Variants in PRSS3 observed in about 807,000 individuals in gnomAD.
PRSS3 encodes the protein serine protease 3.
PRSS3 carries 14 observed loss-of-function variants against 20.8 expected under a neutral mutation model. The observed-to-expected ratio is 0.67, with a 90% CI of 0.44 to 1.05. PRSS3 has a LOEUF of 1.05. Ranked by LOEUF, PRSS3 falls within the 50% of genes least tolerant of loss-of-function variation. The pLI, the probability that PRSS3 is intolerant of heterozygous loss-of-function variation, is 0.00. For missense variants in PRSS3, 237 were observed against 306.4 expected (o/e 0.77, Z 1.69); for synonymous variants, 91 against 117.6 (o/e 0.77, Z 1.46).
At chr9:33,777,668 A>T in intron 1 of PRSS3, among the ~76,000 whole-genome samples, 1 of 151,080 alleles carries the variant, frequency 6.6e-6, no homozygotes. Context: ...AGATCGCGCT[A>T]CTGCACTCCA....
intron 1 of PRSS3, among the ~76,000 whole-genome samples, chr9:33,751,393 G>A (rs1194947745): frequency 6.6e-6 from 1 of 152,238 alleles, no homozygotes; most frequent in African/African-American, 2.4e-5. Flanking sequence ...GTCAGGCGCA[G>A]TGGGGGAGAA....
chr9:33,798,350 T>C, intron 3 of PRSS3, 136 bp from the exon 4 acceptor site: 2 of 1,398,936 alleles, frequency 1.4e-6, no homozygotes, highest in Non-Finnish European at 1.0e-6. Context: ...AAAGCCAGAG[T>C]CCCTTGCCAG....
At chr9:33,778,454 A>T (rs1824036099) in intron 1 of PRSS3, among the ~76,000 whole-genome samples, 11 of 152,158 alleles carry the variant, frequency 7.2e-5, no homozygotes. Flanking sequence ...CCAAATATTT[A>T]AAAAACTATA....
intron 2 of PRSS3, among the ~76,000 whole-genome samples, chr9:33,797,331 G>A (rs985784191): frequency 6.6e-6 from 1 of 151,956 alleles, no homozygotes; most frequent in Non-Finnish European, 1.5e-5. Context: ...ATCAGCGGGT[G>A]GGGGTAAGGA....
intron 4 of PRSS3, 74 bp downstream of exon 4, chr9:33,798,696 C>G (rs1825161703): frequency 6.2e-7 from 1 of 1,608,350 alleles, no homozygotes; most frequent in Non-Finnish European, 8.5e-7. Flanking sequence ...TTTGAACTCC[C>G]AAGGTGGCAG....
intron 1 of PRSS3, among the ~76,000 whole-genome samples, chr9:33,751,694 C>T (rs1822705020): frequency 6.6e-6 from 1 of 152,210 alleles, no homozygotes; most frequent in South Asian, 2.1e-4. Context: ...AGCATTTTAC[C>T]TGCAATTTTA....
chr9:33,799,019 T>A lies in PRSS3; in HGVS notation c.592-9T>A, dbSNP rs1250694871. On this transcript the variant is annotated splice_polypyrimidine_tract_variant and intron_variant, in intron 4 of 4. Transcript: ENST00000379405. ...TCTCTTTATACAACTTGTCCCTTCT[T>A]CTCCCCAGCGTGACTCTGGTGGCCC... The A allele has an allele frequency of 1.2e-6, 2 of 1,613,890 alleles. No individual in the cohort carries two copies. Among genetic ancestry groups the A allele is most frequent in the South Asian group, 2.2e-5 (2 of 91,076 alleles).
chr9:33,796,162 G>T (rs1304136794), intron 1 of PRSS3, among the ~76,000 whole-genome samples: 3 of 152,196 alleles, frequency 2.0e-5, no homozygotes, highest in Non-Finnish European at 4.4e-5. Flanking sequence ...GTGAGCCTGG[G>T]GCTGCCCTCA....
chr9:33,765,130 C>T (rs1291514110), intron 1 of PRSS3, among the ~76,000 whole-genome samples: 1 of 152,160 alleles, frequency 6.6e-6, no homozygotes, highest in African/African-American at 2.4e-5. Context: ...CCAAGTATTC[C>T]ACTCCTAGGT....
intron 1 of PRSS3, among the ~76,000 whole-genome samples, chr9:33,777,318 T>G (rs1229067157): frequency 6.6e-6 from 1 of 151,962 alleles, no homozygotes; most frequent in Non-Finnish European, 1.5e-5. Context: ...AAAAAAGAAA[T>G]AATACCAGTT....
intron 1 of PRSS3, chr9:33,786,684 CA>C: frequency 1.3e-6 from 1 of 766,348 alleles, no homozygotes; most frequent in East Asian, 2.4e-5. Flanking sequence ...ATTGCAACTG[CA>C]AATCAGGGCT....
At chr9:33,769,817 G>C (rs756103158) in intron 1 of PRSS3, among the ~76,000 whole-genome samples, 31 of 152,196 alleles carry the variant, frequency 2.0e-4, no homozygotes, top group Non-Finnish European at 3.5e-4. Flanking sequence ...TGGAAGGCAG[G>C]GCCACCCTGT....
chr9:33,798,785 C>A, intron 4 of PRSS3, 163 bp downstream of exon 4: 1 of 1,238,648 alleles, frequency 8.1e-7, no homozygotes, highest in Non-Finnish European at 1.1e-6. Context: ...TGCATTGCCC[C>A]CATGGAGAAA....
At position 33,799,228 on chromosome 9, in the gene PRSS3, C is replaced by T. The variant is rs1238004789; in HGVS notation, c.*48C>T. ...TCTATACCAATAAAGTGGCCCTGCT[C>T]TCACTCTGTGTCTGTGCCGGCTCCC... On this transcript the variant is annotated 3_prime_UTR_variant, in exon 5 of 5. Coordinates refer to ENST00000379405, the MANE Select transcript of PRSS3 (RefSeq NM_002771.4). 1.2e-6 allele frequency: 2 copies of T among 1,606,642 alleles called. No individual in the cohort carries two copies.
At chr9:33,768,167 T>A (rs1426235119) in intron 1 of PRSS3, among the ~76,000 whole-genome samples, 3 of 152,150 alleles carry the variant, frequency 2.0e-5, no homozygotes, top group Non-Finnish European at 4.4e-5. Flanking sequence ...TAAATTGCCT[T>A]AAAGAGACTG....
At chr9:33,758,108 A>T (rs1823034239) in intron 1 of PRSS3, among the ~76,000 whole-genome samples, 2 of 151,788 alleles carry the variant, frequency 1.3e-5, no homozygotes. Flanking sequence ...CCTTCCTTCC[A>T]GTGTCTTTGA....
intron 1 of PRSS3, among the ~76,000 whole-genome samples, chr9:33,779,843 T>C (rs1193516765): frequency 1.8e-5 from 2 of 110,418 alleles, no homozygotes; most frequent in Non-Finnish European, 3.3e-5. Flanking sequence ...CACTCCAGCC[T>C]GGGTGACAGA....
At chr9:33,777,442 T>G (rs1823980408) in intron 1 of PRSS3, among the ~76,000 whole-genome samples, 1 of 150,384 alleles carries the variant, frequency 6.6e-6, no homozygotes, top group East Asian at 2.0e-4. Context: ...TCCCAGCACT[T>G]TTGGGAGGCG....
chr9:33,752,955 G>A (rs1359313544), intron 1 of PRSS3, among the ~76,000 whole-genome samples: 1 of 152,222 alleles, frequency 6.6e-6, no homozygotes, highest in African/African-American at 2.4e-5. Flanking sequence ...GCTTTATAGA[G>A]CACAAGGCGA....
Sources: gnomAD v4.1 joint callset for allele counts (sites outside exome capture counted in the v4.1 genomes callset) on GRCh38, gnomAD v4.1.1 for gene constraint, MANE v1.5 for transcripts, NCBI Gene and HGNC (gene_info 2026-07-23, HGNC 2026-07-21) for gene names.